The following KHDRBS2 variants were observed in gnomAD, a reference collection of about 807,000 sequenced individuals.
KHDRBS2 encodes the protein KH domain-containing, RNA-binding, signal transduction-associated protein 2.
KHDRBS2 carries 26 observed loss-of-function variants against 44.3 expected under a neutral mutation model. That is an observed-to-expected ratio of 0.59 (90% CI 0.43 to 0.81). KHDRBS2 has a LOEUF of 0.81. Ranked by LOEUF, KHDRBS2 falls within the 40% of genes least tolerant of loss-of-function variation. The pLI, the probability that KHDRBS2 is intolerant of heterozygous loss-of-function variation, is 0.00. For synonymous variants in KHDRBS2, 194 were observed against 151.1 expected, an observed-to-expected ratio of 1.28 and a Z score of -2.08; for missense variants, 476 against 433.1, an observed-to-expected ratio of 1.10 and a Z score of -0.88.
rs558742987 is a variant in KHDRBS2, at chr6:61,896,716, C to A, written c.612-1883G>T. Among the ~76,000 whole-genome samples the A allele has an allele frequency of 2.0e-5, 3 of 151,620 alleles. No individual in the cohort carries two copies. In the East Asian group the frequency reaches 5.9e-4, roughly 30 times the overall value. On this transcript the variant is annotated intron_variant, in intron 5 of 8. Coordinates refer to ENST00000281156, the MANE Select transcript of KHDRBS2 (RefSeq NM_152688.4). The stretch of plus-strand genomic sequence containing the variant: ...CTGAAAGAATATTTTCTGTTTAATT[C>A]TTTACTTCCTCTACATTCCTGAACT...
chr6:61,699,508 A>G (rs1768325954), intron 7 of KHDRBS2, among the ~76,000 whole-genome samples: 1 of 152,012 alleles, frequency 6.6e-6, no homozygotes, highest in Non-Finnish European at 1.5e-5. Context: ...AATATCAAAA[A>G]CCAAATCATA....
intron 6 of KHDRBS2, among the ~76,000 whole-genome samples, chr6:61,806,592 A>T (rs560526696): frequency 7.9e-5 from 12 of 151,946 alleles, no homozygotes; most frequent in Admixed American, 3.3e-4. Context: ...ATTACTTTTT[A>T]AAAATGTGTT....
At chr6:62,149,842 C>A (rs1430098129) in intron 2 of KHDRBS2, among the ~76,000 whole-genome samples, 1 of 152,126 alleles carries the variant, frequency 6.6e-6, no homozygotes, top group African/African-American at 2.4e-5. Context: ...ATTTCATCAG[C>A]ATAGGCCTAA....
intron 3 of KHDRBS2, among the ~76,000 whole-genome samples, chr6:62,029,099 A>T (rs1397763773): frequency 6.6e-6 from 1 of 152,028 alleles, no homozygotes; most frequent in Non-Finnish European, 1.5e-5. Flanking sequence ...TATGAATTAC[A>T]TTATAATTTA....
chr6:61,600,873 C>T, the KHDRBS2 span, among the ~76,000 whole-genome samples: 2 of 152,292 alleles, frequency 1.3e-5, no homozygotes, highest in East Asian at 1.9e-4. Context: ...TCAATCTCTC[C>T]CTTCTCTTAA....
At chr6:61,955,083 T>C (rs528954777) in intron 4 of KHDRBS2, among the ~76,000 whole-genome samples, 15 of 136,864 alleles carry the variant, frequency 1.1e-4, no homozygotes, top group African/African-American at 3.1e-4. Context: ...CGTGTGTATG[T>C]ATGCATACAT....
chr6:62,158,205 C>T (rs911702731), intron 2 of KHDRBS2, among the ~76,000 whole-genome samples: 3 of 152,300 alleles, frequency 2.0e-5, no homozygotes, highest in Admixed American at 1.3e-4. Context: ...ATTACACACA[C>T]ATAGAATCTG....
the KHDRBS2 span, among the ~76,000 whole-genome samples, chr6:61,670,255 G>C: frequency 6.6e-6 from 1 of 151,206 alleles, no homozygotes. Context: ...ATCATTATTT[G>C]TACCTGAATT....
At chr6:61,920,091 A>G (rs1274329649) in intron 4 of KHDRBS2, among the ~76,000 whole-genome samples, 1 of 152,004 alleles carries the variant, frequency 6.6e-6, no homozygotes, top group African/African-American at 2.4e-5. Flanking sequence ...GCTTAATTTC[A>G]TGATAAAATT....
the KHDRBS2 span, among the ~76,000 whole-genome samples, chr6:61,587,236 C>T: frequency 1.8e-4 from 27 of 152,094 alleles, no homozygotes; most frequent in African/African-American, 6.3e-4. Context: ...TTTGGAGCTG[C>T]CAATTCAAAT....
At chr6:62,218,000 C>T (rs1249739614) in intron 1 of KHDRBS2, among the ~76,000 whole-genome samples, 1 of 151,774 alleles carries the variant, frequency 6.6e-6, no homozygotes, top group African/African-American at 2.4e-5. Context: ...GCCAAGGTCC[C>T]AGAGAAGAGT....
chr6:61,732,271 T>C (rs1162230325), intron 7 of KHDRBS2, among the ~76,000 whole-genome samples: 1 of 152,090 alleles, frequency 6.6e-6, no homozygotes, highest in Non-Finnish European at 1.5e-5. Flanking sequence ...CTAAGATGTT[T>C]CAGAAATTTC....
rs1214286425 is a variant in KHDRBS2, at chr6:61,800,095, G to A, written c.811-67331C>T. Among the ~76,000 whole-genome samples, 4 of 152,156 alleles carry A rather than the reference G, an allele frequency of 2.6e-5. No homozygotes were observed. The East Asian group carries it at 5.8e-4, about 22-fold the overall frequency. On this transcript the variant is annotated intron_variant, in intron 6 of 8. Transcript: ENST00000281156. ...TGTATACATGGTAAAATTTAATTCT[G>A]AATTGTAATACCACCACTTGGACTT...
the KHDRBS2 span, among the ~76,000 whole-genome samples, chr6:61,622,692 C>A: frequency 1.3e-5 from 2 of 151,986 alleles, no homozygotes; most frequent in Admixed American, 6.6e-5. Context: ...TGAGTTTCCC[C>A]GGCAGGAAGT....
chr6:62,165,821 A>C (rs1045119430), intron 2 of KHDRBS2, among the ~76,000 whole-genome samples: 2 of 151,970 alleles, frequency 1.3e-5, no homozygotes, highest in Non-Finnish European at 2.9e-5. Flanking sequence ...GCTGCATGTC[A>C]CTATACCTAG....
At chr6:62,118,321 G>A in intron 2 of KHDRBS2, among the ~76,000 whole-genome samples, 1 of 152,176 alleles carries the variant, frequency 6.6e-6, no homozygotes, top group East Asian at 1.9e-4. Context: ...TTTGAAGCCA[G>A]GTAGTGTGAT....
At chr6:62,021,646 C>T (rs1419957686) in intron 3 of KHDRBS2, among the ~76,000 whole-genome samples, 1 of 151,652 alleles carries the variant, frequency 6.6e-6, no homozygotes, top group East Asian at 1.9e-4. Flanking sequence ...TCTAGTTATT[C>T]TTAATTATAT....
At chr6:62,206,044 C>G (rs1323678368) in intron 1 of KHDRBS2, among the ~76,000 whole-genome samples, 1 of 152,122 alleles carries the variant, frequency 6.6e-6, no homozygotes, top group African/African-American at 2.4e-5. Context: ...AAATGCTTAA[C>G]AGTGAATAAT....
intron 3 of KHDRBS2, among the ~76,000 whole-genome samples, chr6:61,978,900 G>C (rs1583924599): frequency 6.6e-6 from 1 of 152,136 alleles, no homozygotes; most frequent in East Asian, 1.9e-4. Flanking sequence ...TGGTGGAAAA[G>C]CAATTGCCAT....
Sources: allele counts gnomAD v4.1 joint callset (sites outside exome capture counted in the v4.1 genomes callset), GRCh38; gene constraint gnomAD v4.1.1; transcripts MANE v1.5; gene names NCBI Gene and HGNC (gene_info 2026-07-23, HGNC 2026-07-21).